IQSEC3: variants seen among roughly 807,000 people sequenced by gnomAD.
IQSEC3 encodes IQ motif and Sec7 domain ArfGEF 3, also known as IQ motif and SEC7 domain-containing protein 3.
IQSEC3 carries 50 observed loss-of-function variants against 105.4 expected under a neutral mutation model. The observed-to-expected ratio is 0.47, with a 90% CI of 0.38 to 0.60. The LOEUF (loss-of-function observed/expected upper bound fraction) is 0.60, where lower values mean the gene tolerates loss of function less well. Among genes scored for constraint, IQSEC3 ranks in the 20% least tolerant of loss-of-function variants. The pLI, the probability that IQSEC3 is intolerant of heterozygous loss-of-function variation, is 0.00. For missense variants in IQSEC3, 1,415 were observed against 1,630.0 expected, an observed-to-expected ratio of 0.87 and a Z score of 2.27; for synonymous variants, 708 against 746.0, an observed-to-expected ratio of 0.95 and a Z score of 0.83.
chr12:139,611 A>G (rs1865933765), intron 4 of IQSEC3: 2 of 404,174 alleles, frequency 4.9e-6, no homozygotes, highest in East Asian at 7.3e-5. Flanking sequence ...TGCTTTCACA[A>G]CTGTTACAGC....
intron 2 of IQSEC3, chr12:106,393 C>T (rs930536666): frequency 1.1e-4 from 16 of 152,280 alleles, no homozygotes; most frequent in Non-Finnish European, 1.9e-4. Flanking sequence ...TGGCTGAGAG[C>T]ACATAGGTTA....
At chr12:163,233 T>G (rs1359194486) in intron 8 of IQSEC3, among the ~76,000 whole-genome samples, 1 of 16,272 alleles carries the variant, frequency 6.1e-5, no homozygotes, top group African/African-American at 2.4e-4. Flanking sequence ...ACCGGACCCC[T>G]CCCCTCCCCT....
At chr12:80,761 A>G (rs1275613249) in intron 1 of IQSEC3, among the ~76,000 whole-genome samples, 1 of 152,240 alleles carries the variant, frequency 6.6e-6, no homozygotes, top group Admixed American at 6.5e-5. Flanking sequence ...AGCAGAGAAG[A>G]GACCCGGAAT....
At chr12:131,600 A>G (rs1865603020) in intron 3 of IQSEC3, among the ~76,000 whole-genome samples, 1 of 152,188 alleles carries the variant, frequency 6.6e-6, no homozygotes, top group Non-Finnish European at 1.5e-5. Context: ...AGTTTAGTTC[A>G]TGTCTGCAAA....
chr12:169,057 C>A lies in IQSEC3; in HGVS notation c.3016C>A (p.Pro1006Thr). ...GGGAACAAAGACACTCTCCTTCAAGCCCTGCGGAGCCCAGGGGGACCCACA... is the reference window on the plus strand; with the variant it reads ...GGGAACAAAGACACTCTCCTTCAAGACCTGCGGAGCCCAGGGGGACCCACA... ...QQGTKTLSFKPCGAQGDPQSK... is the reference protein window; with the variant it reads ...QQGTKTLSFKTCGAQGDPQSK... The change falls in exon 12 of 14, where the codon CCC (proline) becomes ACC (threonine). Residue 1006 changes from proline (P) to threonine (T), a missense_variant. Coordinates refer to ENST00000538872, the MANE Select transcript of IQSEC3 (RefSeq NM_001170738.2). The A allele has an allele frequency of 6.2e-7, 1 of 1,614,076 alleles. No homozygotes were observed. The highest frequency in any genetic ancestry group is 8.5e-7 in the Non-Finnish European group (1 of 1,180,012).
chr12:139,344 C>A lies in IQSEC3; in HGVS notation c.1981C>A (p.Leu661Ile). 6.4e-7 allele frequency: 1 copy of A among 1,569,300 alleles called. No individual in the cohort carries two copies. Among genetic ancestry groups the A allele is most frequent in the South Asian group, 1.2e-5 (1 of 85,608 alleles). Residue 661 changes from leucine (L) to isoleucine (I), a missense_variant, in exon 4 of 14, where the codon CTC becomes ATC. Transcript: ENST00000538872. ...RKRLYRIGLN[L>I]FNINPDKGIQ... ...GCGGCTCTACCGCATCGGCCTCAAC[C>A]TCTTCAACATGTAAGTCAGCCCCGG...
In IQSEC3 at chr12:174,965, C is replaced by G; in HGVS notation, c.3481C>G (p.Gln1161Glu). 1 of 1,572,970 alleles carries G rather than the reference C, an allele frequency of 6.4e-7. No homozygotes were observed. Among genetic ancestry groups the G allele is most frequent in the Non-Finnish European group, 8.6e-7 (1 of 1,169,026 alleles). Reference sequence around the variant, plus strand: ...CCCACCCCCCTACAACCACCCTCACCAGTTCTGTCCCCCAGGCTCCCTGCT... The same window carrying G: ...CCCACCCCCCTACAACCACCCTCACGAGTTCTGTCCCCCAGGCTCCCTGCT... The part of the protein sequence containing the change: ...PPPPPYNHPH[Q>E]FCPPGSLLHG... The change falls in exon 14 of 14, where the codon CAG (glutamine) becomes GAG (glutamate). Residue 1161 changes from glutamine (Q) to glutamate (E), a missense_variant. By Grantham distance (29) the Gln-to-Glu change is conservative. Around this residue, in one of 6 missense-constraint regions of IQSEC3, gnomAD observed 419 missense variants for 436.2 expected, o/e 0.96. Transcript: ENST00000538872.
At chr12:85,677 C>T (rs1272684144) in intron 1 of IQSEC3, among the ~76,000 whole-genome samples, 3 of 152,172 alleles carry the variant, frequency 2.0e-5, no homozygotes, top group Non-Finnish European at 2.9e-5. Flanking sequence ...GCTCAAGTTA[C>T]AGCCTGGGTT....
chr12:99,924 C>T (rs1197696390), intron 2 of IQSEC3, among the ~76,000 whole-genome samples: 2 of 152,110 alleles, frequency 1.3e-5, no homozygotes, highest in Non-Finnish European at 2.9e-5. Flanking sequence ...GTGCCCACGT[C>T]GTGCTCCCCA....
intron 5 of IQSEC3, 153 bp downstream of exon 5, chr12:141,438 C>CATCACCCCAGTGGGCCGG (rs1866023796): frequency 5.1e-6 from 4 of 791,628 alleles, no homozygotes; most frequent in Non-Finnish European, 7.9e-6. Context: ...CTCTTTAGCC[C>CATCACCCCAGTGGGCCGG]ATCACCCCAG....
chr12:136,041 G>A (rs1865753002), intron 3 of IQSEC3, among the ~76,000 whole-genome samples: 1 of 152,244 alleles, frequency 6.6e-6, no homozygotes, highest in Non-Finnish European at 1.5e-5. Flanking sequence ...ACTTGGTGTG[G>A]TTTAGAGCAC....
At chr12:126,828 T>A (rs1298069299) in intron 3 of IQSEC3, among the ~76,000 whole-genome samples, 1 of 152,228 alleles carries the variant, frequency 6.6e-6, no homozygotes, top group East Asian at 1.9e-4. Flanking sequence ...AGGCAAGGTA[T>A]CTTCAGAAAG....
At chr12:166,056 G>A (rs888531153) in intron 11 of IQSEC3, 166 bp downstream of exon 11, 48 of 675,450 alleles carry the variant, frequency 7.1e-5, no homozygotes, top group East Asian at 4.4e-4. Flanking sequence ...TGGGAGCACC[G>A]GTTCCCATGT....
At chr12:85,163 G>A (rs190236632) in intron 1 of IQSEC3, among the ~76,000 whole-genome samples, 15 of 152,316 alleles carry the variant, frequency 9.8e-5, no homozygotes, top group African/African-American at 3.4e-4. Flanking sequence ...ACTTGCCTTC[G>A]CCATTCCTGG....
At position 96,733 on chromosome 12, in the gene IQSEC3, G is replaced by A. The variant is rs191983945; in HGVS notation, c.555-2413G>A. ...TGTTAAATATTAATGCTGGTCAGCTGTGCCTGAATTCCTAAGGGAGGAGGG... is the reference window on the plus strand; with the variant it reads ...TGTTAAATATTAATGCTGGTCAGCTATGCCTGAATTCCTAAGGGAGGAGGG... On this transcript the variant is annotated intron_variant, in intron 1 of 13. Coordinates refer to ENST00000538872, the MANE Select transcript of IQSEC3 (RefSeq NM_001170738.2). 7.7e-4 allele frequency among the ~76,000 whole-genome samples: 117 copies of A among 152,300 alleles called. 2 individuals carry two copies. Among genetic ancestry groups the A allele is most frequent in the Admixed American group, 3.1e-3 (48 of 15,304 alleles).
At chr12:79,521 C>T (rs2136880031) in intron 1 of IQSEC3, among the ~76,000 whole-genome samples, 1 of 152,284 alleles carries the variant, frequency 6.6e-6, no homozygotes, top group African/African-American at 2.4e-5. Context: ...GCCTCGAACT[C>T]CTGCGCTCAA....
At chr12:160,053 T>C (rs1555095691) in intron 7 of IQSEC3, among the ~76,000 whole-genome samples, 1 of 152,214 alleles carries the variant, frequency 6.6e-6, no homozygotes, top group East Asian at 1.9e-4. Flanking sequence ...TCCTCTTTTA[T>C]AGCATTTTAT....
chr12:70,921 C>G (rs141564466), intron 1 of IQSEC3, among the ~76,000 whole-genome samples: 3 of 152,388 alleles, frequency 2.0e-5, no homozygotes, highest in Non-Finnish European at 4.4e-5. Context: ...CTTTCACATC[C>G]CTCCTCTGCC....
rs782375165 is a variant in IQSEC3, at chr12:138,317, C to T, written c.954C>T (p.Ala318=). 18 of 1,613,830 alleles carry T rather than the reference C, an allele frequency of 1.1e-5. No homozygotes were observed. The Middle Eastern group carries it at 4.9e-4, about 44-fold the overall frequency. Residue 318 remains alanine (A), a synonymous_variant, in exon 4 of 14, where the codon GCC becomes GCT. Coordinates refer to ENST00000538872, the MANE Select transcript of IQSEC3 (RefSeq NM_001170738.2). This position sits in a 1 kb window ranked among gnomAD's most constrained non-coding sequence, Gnocchi z 7.1. ...GCGGTCACCTGGTGTCCCGGCGCGC[C>T]GCTTGCACCATCCAAACCGCCTTCC... ...KYGGHLVSRR[A]ACTIQTAFRQ...
Sources: allele counts gnomAD v4.1 joint callset (sites outside exome capture counted in the v4.1 genomes callset), GRCh38; gene constraint gnomAD v4.1.1; regional missense constraint gnomAD v4.1.1; non-coding constraint Gnocchi (gnomAD v3.1); transcripts MANE v1.5; gene names NCBI Gene and HGNC (gene_info 2026-07-23, HGNC 2026-07-21).